The following CFAP96 variants were observed in gnomAD, a reference collection of about 807,000 sequenced individuals.
CFAP96 encodes cilia and flagella associated protein 96.
At chr4:185,422,283 T>C in the CFAP96 span, among the ~76,000 whole-genome samples, 1 of 152,256 alleles carries the variant, frequency 6.6e-6, no homozygotes, top group Non-Finnish European at 1.5e-5. Context: ...AACATCTTTT[T>C]CTAATTTGCA....
At chr4:185,440,606 G>A in the CFAP96 span, 1 of 1,534,932 alleles carries the variant, frequency 6.5e-7, no homozygotes, top group Non-Finnish European at 8.8e-7. Flanking sequence ...TCACCCAAGG[G>A]ACTATTTTGA....
chr4:185,437,204 C>T, the CFAP96 span, among the ~76,000 whole-genome samples: 1 of 152,176 alleles, frequency 6.6e-6, no homozygotes. Flanking sequence ...AAACTGCTCA[C>T]TTTATTAAAT....
the CFAP96 span, among the ~76,000 whole-genome samples, chr4:185,439,864 A>T: frequency 4.1e-5 from 6 of 147,574 alleles, no homozygotes; most frequent in African/African-American, 1.5e-4. Context: ...ATGTTTTTTT[A>T]AATTATAAAA....
the CFAP96 span, among the ~76,000 whole-genome samples, chr4:185,412,434 G>A: frequency 1.3e-5 from 2 of 152,092 alleles, no homozygotes; most frequent in African/African-American, 4.8e-5. Flanking sequence ...TATCGTATAT[G>A]CATTTTTTTA....
At chr4:185,426,081 G>C in the CFAP96 span, 1 of 605,452 alleles carries the variant, frequency 1.7e-6, no homozygotes, top group Non-Finnish European at 3.0e-6. Context: ...CTTATGTTTG[G>C]TAAATTCTAT....
the CFAP96 span, among the ~76,000 whole-genome samples, chr4:185,437,247 T>C: frequency 6.6e-6 from 1 of 152,208 alleles, no homozygotes; most frequent in African/African-American, 2.4e-5. Flanking sequence ...TGCTAGCATA[T>C]GCCTCTTACA....
At chr4:185,448,576 A>T in the CFAP96 span, among the ~76,000 whole-genome samples, 2 of 152,208 alleles carry the variant, frequency 1.3e-5, no homozygotes, top group Non-Finnish European at 2.9e-5. Flanking sequence ...AAATGTATGT[A>T]ATTTAAACTG....
chr4:185,415,454 A>C, the CFAP96 span: 8 of 1,003,838 alleles, frequency 8.0e-6, no homozygotes, highest in Non-Finnish European at 1.1e-5. Context: ...TGATTGGACC[A>C]GGTTTGCTAA....
At chr4:185,444,572 TGGCA>T in the CFAP96 span, among the ~76,000 whole-genome samples, 63 of 5,956 alleles carry the variant, frequency 0.011, no homozygotes, top group Non-Finnish European at 0.044. Context: ...CATCATTGAC[TGGCA>T]TTTAGTAAAC....
the CFAP96 span, chr4:185,422,563 C>T: frequency 6.3e-7 from 1 of 1,592,646 alleles, no homozygotes; most frequent in Non-Finnish European, 8.5e-7. Context: ...TCTGAAATCA[C>T]CTAGAACAAA....
the CFAP96 span, chr4:185,444,878 C>CA: frequency 7.6e-7 from 1 of 1,314,858 alleles, no homozygotes; most frequent in South Asian, 1.5e-5. Flanking sequence ...CCACAGACTA[C>CA]AAAAATATGT....
At chr4:185,440,677 A>G in the CFAP96 span, 1 of 1,500,758 alleles carries the variant, frequency 6.7e-7, no homozygotes, top group South Asian at 1.2e-5. Context: ...AGAAGAAGAA[A>G]ACAATTTCAA....
the CFAP96 span, chr4:185,413,795 C>G: frequency 8.7e-6 from 14 of 1,613,422 alleles, no homozygotes; most frequent in African/African-American, 1.7e-4. Context: ...CTTTGTATGG[C>G]TCATCTGGAA....
chr4:185,417,998 C>T, the CFAP96 span, among the ~76,000 whole-genome samples: 4 of 146,228 alleles, frequency 2.7e-5, no homozygotes, highest in East Asian at 2.0e-4. Flanking sequence ...GAGCCGAGAT[C>T]GTGCCACTGC....
chr4:185,442,492 CA>C, the CFAP96 span, among the ~76,000 whole-genome samples: 1 of 152,010 alleles, frequency 6.6e-6, no homozygotes, highest in Non-Finnish European at 1.5e-5. Context: ...TTGATTTTTA[CA>C]AAATAACTGG....
chr4:185,442,371 G>A, the CFAP96 span, among the ~76,000 whole-genome samples: 1 of 151,872 alleles, frequency 6.6e-6, no homozygotes, highest in African/African-American at 2.4e-5. Flanking sequence ...ATTTTATATT[G>A]CATAGGTTAT....
At chr4:185,415,662 G>A in the CFAP96 span, 1 of 1,528,968 alleles carries the variant, frequency 6.5e-7, no homozygotes, top group Non-Finnish European at 8.9e-7. Context: ...ATGGGTTTGG[G>A]GAAGGGCCCT....
At chr4:185,423,660 A>G in the CFAP96 span, among the ~76,000 whole-genome samples, 1 of 152,234 alleles carries the variant, frequency 6.6e-6, no homozygotes, top group East Asian at 1.9e-4. Context: ...AAGGGAAAAG[A>G]GCACTTGCAA....
the CFAP96 span, among the ~76,000 whole-genome samples, chr4:185,434,689 TA>T: frequency 2.7e-4 from 1 of 3,712 alleles, no homozygotes; most frequent in African/African-American, 3.8e-4. Flanking sequence ...TAAGAAACCC[TA>T]TAAGACACTT....
Sources: gnomAD v4.1 joint callset for allele counts (sites outside exome capture counted in the v4.1 genomes callset) on GRCh38, gnomAD v4.1.1 for gene constraint, MANE v1.5 for transcripts, NCBI Gene and HGNC (gene_info 2026-07-23, HGNC 2026-07-21) for gene names.